WDR47: variants seen among roughly 807,000 people sequenced by gnomAD.
WDR47 encodes the protein WD repeat domain 47.
WDR47 carries 32 observed loss-of-function variants against 97.2 expected under a neutral mutation model. That is an observed-to-expected ratio of 0.33 (90% CI 0.25 to 0.44). The LOEUF (loss-of-function observed/expected upper bound fraction) is 0.44, where lower values mean the gene tolerates loss of function less well. WDR47 is among the 20% of genes least tolerant of loss of function. The pLI, the probability that WDR47 is intolerant of heterozygous loss-of-function variation, is 1.00. For missense variants in WDR47, 782 were observed against 1,102.3 expected (o/e 0.71, Z 4.11); for synonymous variants, 375 against 373.5 (o/e 1.00, Z -0.05).
intron 5 of WDR47, among the ~76,000 whole-genome samples, chr1:109,008,078 C>T (rs183475778): frequency 5.3e-5 from 8 of 150,860 alleles, no homozygotes; most frequent in Non-Finnish European, 1.0e-4. Flanking sequence ...CTCTAGCCTG[C>T]GCAACAGAGC....
chr1:108,988,210 G>C (rs947113560), intron 9 of WDR47, among the ~76,000 whole-genome samples: 2 of 143,438 alleles, frequency 1.4e-5, no homozygotes, highest in African/African-American at 5.2e-5. Flanking sequence ...ACACCTGTCA[G>C]GGAGGGGGAG....
intron 13 of WDR47, among the ~76,000 whole-genome samples, chr1:108,980,304 AG>A (rs1452227808): frequency 6.6e-6 from 1 of 152,218 alleles, no homozygotes; most frequent in African/African-American, 2.4e-5. Flanking sequence ...TTTGAATCAA[AG>A]TGCAGAAAAA....
chr1:109,036,753 G>A (rs1571268424), intron 1 of WDR47, among the ~76,000 whole-genome samples: 2 of 149,364 alleles, frequency 1.3e-5, no homozygotes, highest in East Asian at 2.0e-4. Flanking sequence ...GGAGAATGGC[G>A]TGAACCCCGG....
At position 108,981,796 on chromosome 1, in the gene WDR47, T is replaced by A. The variant is rs1471189356; in HGVS notation, c.2335A>T (p.Arg779Ter). ...IASGSQDKTV[R>*]FWDLRVPSCV... ...CTTGGTACTCGAAGATCCCAAAATC[T>A]AACAGTCTTATCTTGGGAACCAGAT... The change falls in exon 13 of 15, where the codon AGA (arginine) becomes TGA (stop). Residue 779 changes from arginine to a stop codon, truncating the protein, a stop_gained. Coordinates refer to ENST00000369962, the MANE Select transcript of WDR47 (RefSeq NM_001142551.2). LOFTEE classifies it high-confidence loss of function. 6.2e-7 allele frequency: 1 copy of A among 1,614,052 alleles called. No individual in the cohort carries two copies. Among genetic ancestry groups the A allele is most frequent in the Non-Finnish European group, 8.5e-7 (1 of 1,179,954 alleles).
rs1663414934 is a variant in WDR47, at chr1:109,042,074, A to C, written c.-222T>G. 6.6e-6 allele frequency: 1 copy of C among 151,860 alleles called. No homozygotes were observed. Among genetic ancestry groups the C allele is most frequent in the South Asian group, 2.1e-4 (1 of 4,802 alleles). 9.4% of individuals were successfully genotyped at this position (151,860 alleles called of 1,614,324 possible). A position where few individuals can be genotyped will look rare whatever the true frequency, so the allele number is the denominator to read the frequency against. On this transcript the variant is annotated 5_prime_UTR_variant, in exon 1 of 15. Transcript: ENST00000369962. Reference sequence around the variant, plus strand: ...CACGTCCGCCCCTCCCGGCCCAGCGACTCCTCAGCTCAGCCTCTTGCAGAC... The same window carrying C: ...CACGTCCGCCCCTCCCGGCCCAGCGCCTCCTCAGCTCAGCCTCTTGCAGAC...
chr1:108,978,565 CTT>C (rs1426304613), intron 13 of WDR47, among the ~76,000 whole-genome samples: 1 of 151,604 alleles, frequency 6.6e-6, no homozygotes, highest in East Asian at 1.9e-4. Context: ...AAATATAAGT[CTT>C]TCAGTATATG....
At chr1:109,019,902 G>T (rs1014441302) in intron 2 of WDR47, among the ~76,000 whole-genome samples, 1 of 152,112 alleles carries the variant, frequency 6.6e-6, no homozygotes, top group Non-Finnish European at 1.5e-5. Context: ...TGGGAAGGAT[G>T]GGCAGGAAGA....
Position 108,983,374 on chromosome 1 carries a change from G to A in WDR47, c.2003C>T (p.Ala668Val). The A allele has an allele frequency of 6.2e-7, 1 of 1,613,036 alleles. No individual in the cohort carries two copies. The highest frequency in any genetic ancestry group is 2.2e-5 in the East Asian group (1 of 44,804). The change falls in exon 11 of 15, where the codon GCC becomes GTC. Residue 668 changes from alanine to valine, a missense_variant. Ala to Val is a moderately conservative substitution (Grantham distance 64). Transcript: ENST00000369962. ...KHHKGSIYCV[A>V]WSPCGQLLAT... is the part of the protein sequence containing the mutation. ...TAATAACTGCCCACAAGGACTCCAG[G>A]CCACACAGTAAATGGATCCTTTATG...
At chr1:109,010,087 T>A (rs558241316) in intron 5 of WDR47, among the ~76,000 whole-genome samples, 353 of 152,280 alleles carry the variant, frequency 2.3e-3, no homozygotes, top group Non-Finnish European at 2.4e-3. Context: ...TTAATTCTCA[T>A]ACTATTACTC....
chr1:108,987,650 T>A (rs569429139), intron 9 of WDR47, among the ~76,000 whole-genome samples: 10 of 152,112 alleles, frequency 6.6e-5, no homozygotes, highest in African/African-American at 9.6e-5. Context: ...GAATTTTTAG[T>A]AGAGACAGGG....
At chr1:108,986,803 C>A in intron 9 of WDR47, 123 bp from the exon 10 acceptor site, 1 of 792,684 alleles carries the variant, frequency 1.3e-6, no homozygotes, top group Non-Finnish European at 1.9e-6. Context: ...GGTTTACTGC[C>A]AATAACCATA....
intron 2 of WDR47, among the ~76,000 whole-genome samples, chr1:109,022,340 G>A (rs1661905574): frequency 6.6e-6 from 1 of 152,058 alleles, no homozygotes; most frequent in African/African-American, 2.4e-5. Context: ...GTGTGGTGGG[G>A]TAATTTTTCT....
intron 6 of WDR47, among the ~76,000 whole-genome samples, chr1:109,003,250 G>A (rs765707840): frequency 6.6e-6 from 1 of 151,996 alleles, no homozygotes; most frequent in Admixed American, 6.6e-5. Context: ...GTAGGGTATT[G>A]AAGTCTCCAA....
chr1:108,981,441 T>C (rs532197965), intron 13 of WDR47, among the ~76,000 whole-genome samples: 4 of 152,312 alleles, frequency 2.6e-5, no homozygotes, highest in African/African-American at 9.6e-5. Flanking sequence ...TTTTGCCATG[T>C]GCATGCATTT....
At chr1:109,004,530 A>G in intron 6 of WDR47, 62 bp downstream of exon 6, 1 of 1,499,536 alleles carries the variant, frequency 6.7e-7, no homozygotes, top group Non-Finnish European at 8.9e-7. Flanking sequence ...CATTCTAAGT[A>G]AATTCTATTA....
intron 7 of WDR47, among the ~76,000 whole-genome samples, chr1:108,997,244 AG>A (rs1345999709): frequency 6.6e-6 from 1 of 150,870 alleles, no homozygotes; most frequent in Non-Finnish European, 1.5e-5. Flanking sequence ...TGGGCAACAG[AG>A]GGAGCCCGTC....
chr1:108,974,215 C>T (rs1017728442), intron 14 of WDR47, among the ~76,000 whole-genome samples: 7 of 151,930 alleles, frequency 4.6e-5, no homozygotes, highest in African/African-American at 1.2e-4. Context: ...ACAGGCTGGG[C>T]GTGGTGGCTC....
chr1:109,006,343 A>G (rs1276127142), intron 5 of WDR47, among the ~76,000 whole-genome samples: 1 of 149,866 alleles, frequency 6.7e-6, no homozygotes, highest in East Asian at 2.0e-4. Context: ...TGGTGAGCCG[A>G]GATCGCGCCA....
intron 13 of WDR47, among the ~76,000 whole-genome samples, chr1:108,975,381 G>A (rs1657806316): frequency 6.6e-6 from 1 of 151,764 alleles, no homozygotes; most frequent in Non-Finnish European, 1.5e-5. Flanking sequence ...CCAGCACTTT[G>A]GGAGACCGAG....
Sources: gnomAD v4.1 joint callset for allele counts (sites outside exome capture counted in the v4.1 genomes callset) on GRCh38, gnomAD v4.1.1 for gene constraint, MANE v1.5 for transcripts, NCBI Gene and HGNC (gene_info 2026-07-23, HGNC 2026-07-21) for gene names.